ARHGEF4: variants seen among roughly 807,000 people sequenced by gnomAD.
ARHGEF4 encodes the protein APC-stimulated guanine nucleotide exchange factor 1.
ARHGEF4 carries 119 observed loss-of-function variants against 162.0 expected under a neutral mutation model. The observed-to-expected ratio is 0.73, with a 90% CI of 0.63 to 0.86. The LOEUF is 0.86. Ranked by LOEUF, ARHGEF4 falls within the 40% of genes least tolerant of loss-of-function variation. The probability of loss-of-function intolerance (pLI) is 0.00; values close to 1 mark genes in which losing one functional copy is unlikely to be tolerated. For missense variants in ARHGEF4, 2,488 were observed against 2,456.0 expected (o/e 1.01, Z -0.28); for synonymous variants, 1,014 against 979.9 (o/e 1.03, Z -0.65).
At chr2:131,003,478 A>C (rs542207023) in intron 4 of ARHGEF4, among the ~76,000 whole-genome samples, 4 of 152,332 alleles carry the variant, frequency 2.6e-5, no homozygotes, top group African/African-American at 9.6e-5. Context: ...AGAGACCCTT[A>C]GTAAGCACCA....
intron 5 of ARHGEF4, among the ~76,000 whole-genome samples, chr2:131,030,848 G>A (rs1404487282): frequency 6.6e-6 from 1 of 152,198 alleles, no homozygotes; most frequent in Non-Finnish European, 1.5e-5. Context: ...GTTAGGAGCC[G>A]CCAGAAGCAT....
At chr2:130,985,922 G>GGTGTGTTGCAT (rs1244330120) in intron 4 of ARHGEF4, among the ~76,000 whole-genome samples, 1 of 151,470 alleles carries the variant, frequency 6.6e-6, no homozygotes, top group Non-Finnish European at 1.5e-5. Context: ...GCGTGCGTAG[G>GGTGTGTTGCAT]GTGTGTTGCA....
intron 2 of ARHGEF4, among the ~76,000 whole-genome samples, chr2:130,922,635 G>A (rs1266730670): frequency 6.6e-6 from 1 of 152,196 alleles, no homozygotes; most frequent in Non-Finnish European, 1.5e-5. Flanking sequence ...CTCAGAGTGA[G>A]TTAGTCTAGA....
In ARHGEF4 at chr2:130,868,758, A is replaced by G. The variant is rs1047446520; in HGVS notation, c.39+31766A>G. ...TTATGACTTAAAATGCAGCCAGTGC[A>G]TTACAGCTGAAGGACCGAAGCCCAA... is the stretch of plus-strand genomic sequence containing the variant. On this transcript the variant is annotated intron_variant, in intron 1 of 13. Transcript: ENST00000409359. 9.2e-5 allele frequency among the ~76,000 whole-genome samples: 14 copies of G among 152,330 alleles called. 1 individual carries two copies. The highest frequency in any genetic ancestry group is 7.2e-4 in the Admixed American group (11 of 15,304).
chr2:130,842,947 G>C (rs58463630), intron 1 of ARHGEF4, among the ~76,000 whole-genome samples: 1,981 of 152,294 alleles, frequency 0.013, 46 homozygotes, highest in African/African-American at 0.045. Context: ...CTGTGGGGCT[G>C]CCCCGGGTGT....
At chr2:131,002,028 T>G (rs1260225320) in intron 4 of ARHGEF4, among the ~76,000 whole-genome samples, 1 of 152,148 alleles carries the variant, frequency 6.6e-6, no homozygotes, top group Non-Finnish European at 1.5e-5. Context: ...CGGAATACTT[T>G]CTTTTCTATT....
chr2:130,926,913 G>A (rs1339053462), intron 2 of ARHGEF4, among the ~76,000 whole-genome samples: 1 of 130,078 alleles, frequency 7.7e-6, no homozygotes, highest in African/African-American at 2.8e-5. Flanking sequence ...TATTTCTGTT[G>A]GGGGGAGAAG....
chr2:130,988,888 A>G (rs1473989376), intron 4 of ARHGEF4, among the ~76,000 whole-genome samples: 102 of 115,300 alleles, frequency 8.8e-4, no homozygotes, highest in African/African-American at 2.8e-3. Flanking sequence ...ATATATATAT[A>G]TATATATATA....
intron 4 of ARHGEF4, among the ~76,000 whole-genome samples, chr2:130,962,526 T>TCA (rs1437322901): frequency 2.6e-5 from 4 of 152,104 alleles, no homozygotes; most frequent in African/African-American, 9.7e-5. Context: ...ACTAGAGGTC[T>TCA]CACAAGGAGA....
intron 1 of ARHGEF4, among the ~76,000 whole-genome samples, chr2:130,888,169 A>T (rs1002845985): frequency 2.0e-5 from 3 of 151,794 alleles, no homozygotes; most frequent in Non-Finnish European, 4.4e-5. Context: ...CTATCTTCTA[A>T]CTTCTTTAAA....
At chr2:130,944,073 G>A (rs1299442278) in intron 3 of ARHGEF4, among the ~76,000 whole-genome samples, 1 of 152,052 alleles carries the variant, frequency 6.6e-6, no homozygotes, top group African/African-American at 2.4e-5. Flanking sequence ...TAGATTTTTG[G>A]GTTGACAGTG....
chr2:131,024,196 G>A (rs1379550059), intron 4 of ARHGEF4, among the ~76,000 whole-genome samples: 2 of 151,466 alleles, frequency 1.3e-5, no homozygotes, highest in African/African-American at 2.5e-5. Context: ...GCACAGTGCC[G>A]TCTGTACTAT....
At chr2:131,029,049 C>T (rs1689663706) in intron 5 of ARHGEF4, among the ~76,000 whole-genome samples, 1 of 152,056 alleles carries the variant, frequency 6.6e-6, no homozygotes, top group Non-Finnish European at 1.5e-5. Flanking sequence ...AGAGGCCCAG[C>T]TCTAGATGAT....
At chr2:130,884,817 C>T (rs1679409985) in intron 1 of ARHGEF4, among the ~76,000 whole-genome samples, 1 of 151,832 alleles carries the variant, frequency 6.6e-6, no homozygotes, top group Non-Finnish European at 1.5e-5. Context: ...GACCCTGCTG[C>T]CTCCTGGAAT....
In ARHGEF4 at chr2:130,907,102, C is replaced by T. The variant is rs552285797; in HGVS notation, c.40-6884C>T. ...TGTAGCTTTGCCTTTTCCAAAATGC[C>T]GTATAAATGGATCATACAATATGCA... On this transcript the variant is annotated intron_variant, in intron 1 of 13. Coordinates refer to ENST00000409359, the MANE Select transcript of ARHGEF4 (RefSeq NM_001367493.1). Among the ~76,000 whole-genome samples, 14 of 152,064 alleles carry T rather than the reference C, an allele frequency of 9.2e-5. No individual in the cohort carries two copies. The South Asian group carries it at 1.0e-3, about 11-fold the overall frequency.
At chr2:130,924,858 C>T (rs1195415175) in intron 2 of ARHGEF4, among the ~76,000 whole-genome samples, 1 of 152,110 alleles carries the variant, frequency 6.6e-6, no homozygotes, top group African/African-American at 2.4e-5. Flanking sequence ...TGGGTTAAGA[C>T]CACACTGAGA....
intron 4 of ARHGEF4, among the ~76,000 whole-genome samples, chr2:131,004,380 T>C (rs534455113): frequency 6.6e-6 from 1 of 152,356 alleles, no homozygotes; most frequent in South Asian, 2.1e-4. Context: ...TTAGCCAGGA[T>C]GGTCTCAATC....
At chr2:130,958,420 G>C (rs62178903) in intron 4 of ARHGEF4, among the ~76,000 whole-genome samples, 4 of 150,474 alleles carry the variant, frequency 2.7e-5, no homozygotes, top group East Asian at 2.0e-4. Context: ...CTGGGGAGGC[G>C]GTGGGAGGCA....
chr2:131,041,990 C>T (rs2241461), intron 10 of ARHGEF4, 46 bp downstream of exon 10: 179,082 of 1,587,968 alleles, frequency 0.11, 15,650 homozygotes, highest in African/African-American at 0.43. Context: ...CTTGGCCCCT[C>T]GCTTTAAAAT....
Sources: allele counts gnomAD v4.1 joint callset (sites outside exome capture counted in the v4.1 genomes callset), GRCh38; gene constraint gnomAD v4.1.1; transcripts MANE v1.5; gene names NCBI Gene and HGNC (gene_info 2026-07-23, HGNC 2026-07-21).